Variants in CR1 observed in about 807,000 individuals in gnomAD.
CR1 encodes complement receptor type 1.
In CR1, 116 loss-of-function variants were observed where a neutral mutation model predicts 187.3. The ratio of observed to expected loss-of-function variants is 0.62; its 90% confidence interval spans 0.53 to 0.72. The LOEUF is 0.72. CR1 is among the 30% of genes least tolerant of loss of function. The pLI, the probability that CR1 is intolerant of heterozygous loss-of-function variation, is 0.00. For missense variants in CR1, 1,731 were observed against 2,110.7 expected, an observed-to-expected ratio of 0.82 and a Z score of 3.52; for synonymous variants, 576 against 747.1, an observed-to-expected ratio of 0.77 and a Z score of 3.73.
chr1:207,509,461 T>C (rs1181200233), intron 3 of CR1, among the ~76,000 whole-genome samples: 1 of 152,228 alleles, frequency 6.6e-6, no homozygotes, highest in African/African-American at 2.4e-5. Context: ...CCAAACATTC[T>C]GAATGAGAAG....
chr1:207,630,226 A>G (rs563896907), intron 45 of CR1, among the ~76,000 whole-genome samples: 4 of 152,324 alleles, frequency 2.6e-5, no homozygotes, highest in African/African-American at 9.6e-5. Flanking sequence ...ACTAATCAAA[A>G]TTATGTCAGA....
At chr1:207,588,883 C>T in intron 35 of CR1, 109 bp downstream of exon 35, 1 of 704,672 alleles carries the variant, frequency 1.4e-6, no homozygotes, top group Non-Finnish European at 2.4e-6. Context: ...ACTTTAAAAG[C>T]AAGCAATAGG....
At chr1:207,520,004 C>T (rs1428926101) in intron 4 of CR1, among the ~76,000 whole-genome samples, 3 of 152,146 alleles carry the variant, frequency 2.0e-5, no homozygotes, top group African/African-American at 7.2e-5. Flanking sequence ...AGGCTTTAGG[C>T]TAAACTTGAT....
chr1:207,613,841 TC>T (rs1662014867), intron 39 of CR1, among the ~76,000 whole-genome samples: 1 of 152,060 alleles, frequency 6.6e-6, no homozygotes, highest in Non-Finnish European at 1.5e-5. Context: ...CAAAGACTCT[TC>T]CCCCCTCCCT....
At chr1:207,602,465 T>C (rs917434014) in intron 35 of CR1, among the ~76,000 whole-genome samples, 6 of 152,112 alleles carry the variant, frequency 3.9e-5, no homozygotes, top group African/African-American at 1.4e-4. Context: ...GGTTCCAAAT[T>C]AGGAAACCCA....
rs781234907 is a variant in CR1, at chr1:207,577,905, T to A, written c.4638T>A (p.Asn1546Lys). The A allele has an allele frequency of 6.2e-7, 1 of 1,613,068 alleles. No homozygotes were observed. Among genetic ancestry groups the A allele is most frequent in the Non-Finnish European group, 8.5e-7 (1 of 1,179,800 alleles). Reference protein sequence around the residue: ...HYGSVVTYRCNLGSRGRKVFE... With the variant: ...HYGSVVTYRCKLGSRGRKVFE... Reference sequence around the variant, plus strand: ...GATCAGTGGTGACCTACCGCTGCAATCTTGGAAGCAGAGGGAGAAAGGTGT... The same window carrying A: ...GATCAGTGGTGACCTACCGCTGCAAACTTGGAAGCAGAGGGAGAAAGGTGT... The change falls in exon 29 of 47, where the codon AAT becomes AAA. Residue 1546 changes from asparagine to lysine, a missense_variant. Coordinates refer to ENST00000367049, the MANE Select transcript of CR1 (RefSeq NM_000651.6).
At chr1:207,637,217 G>C (rs1662841534) in intron 46 of CR1, among the ~76,000 whole-genome samples, 1 of 152,136 alleles carries the variant, frequency 6.6e-6, no homozygotes, top group Non-Finnish European at 1.5e-5. Flanking sequence ...TTTAGCTTAT[G>C]TTTGTCTAAA....
chr1:207,627,613 A>G (rs1662521490), intron 45 of CR1, among the ~76,000 whole-genome samples: 2 of 152,154 alleles, frequency 1.3e-5, no homozygotes, highest in Admixed American at 1.3e-4. Context: ...GACTGGGTGG[A>G]TTCAATAAGC....
intron 45 of CR1, among the ~76,000 whole-genome samples, chr1:207,626,427 G>A (rs551765280): frequency 1.3e-5 from 2 of 152,154 alleles, no homozygotes; most frequent in Non-Finnish European, 2.9e-5. Flanking sequence ...ATGTGAGGAG[G>A]GCTGATTATT....
intron 4 of CR1, among the ~76,000 whole-genome samples, chr1:207,516,789 T>C (rs1329484767): frequency 6.6e-6 from 1 of 152,150 alleles, no homozygotes; most frequent in Non-Finnish European, 1.5e-5. Context: ...TGCACCTGTT[T>C]CATCTCAGCT....
In CR1 at chr1:207,564,197, C is replaced by A. The variant is rs1472141634; in HGVS notation, c.3829C>A (p.Gln1277Lys). ...NGRVLFPVNL[Q>K]LGAKVDFVCD... ...CCGTGTGCTATTTCCAGTAAATCTCCAGCTTGGAGCAAAAGTGGATTTTGT... is the reference window on the plus strand; with the variant it reads ...CCGTGTGCTATTTCCAGTAAATCTCAAGCTTGGAGCAAAAGTGGATTTTGT... The change falls in exon 23 of 47, where the codon CAG becomes AAG. Residue 1277 changes from glutamine to lysine, a missense_variant. Gln to Lys is a moderately conservative substitution (Grantham distance 53). Around this residue, in one of 5 missense-constraint regions of CR1, gnomAD observed 34 missense variants for 79.5 expected, o/e 0.43. Coordinates refer to ENST00000367049, the MANE Select transcript of CR1 (RefSeq NM_000651.6). The A allele has an allele frequency of 6.3e-7, 1 of 1,587,626 alleles. No homozygotes were observed. The highest frequency in any genetic ancestry group is 1.1e-5 in the South Asian group (1 of 89,976).
chr1:207,598,527 A>G (rs1558257751), intron 35 of CR1, among the ~76,000 whole-genome samples: 1 of 151,660 alleles, frequency 6.6e-6, no homozygotes, highest in African/African-American at 2.4e-5. Context: ...TCAAGCCATT[A>G]TCCTGCCTCA....
chr1:207,580,188 A>C (rs1413589154), intron 29 of CR1, 52 bp from the exon 30 acceptor site: 9 of 1,597,050 alleles, frequency 5.6e-6, no homozygotes, highest in Admixed American at 1.7e-5. Flanking sequence ...TTCAGGAAGC[A>C]TAGGAAATTC....
chr1:207,636,791 C>T (rs1233953880), intron 46 of CR1, among the ~76,000 whole-genome samples: 1 of 152,182 alleles, frequency 6.6e-6, no homozygotes, highest in African/African-American at 2.4e-5. Flanking sequence ...GATGGCAAGG[C>T]CTCCCACGGT....
rs547866843 is a variant in CR1, at chr1:207,634,876, T to G, written c.7457+4255T>G. 2.0e-5 allele frequency among the ~76,000 whole-genome samples: 3 copies of G among 152,256 alleles called. No individual in the cohort carries two copies. In the South Asian group the frequency reaches 6.2e-4, roughly 32 times the overall value. On this transcript the variant is annotated intron_variant, in intron 46 of 46. Transcript: ENST00000367049. ...AGAACAACAGAATCAAAAAAACATT[T>G]TTTCTGTTATGGGTGACCTGTACGT...
At chr1:207,517,654 T>G (rs1274954888) in intron 4 of CR1, among the ~76,000 whole-genome samples, 1 of 152,170 alleles carries the variant, frequency 6.6e-6, no homozygotes, top group African/African-American at 2.4e-5. Flanking sequence ...GTTGTTGTTG[T>G]TGTCAGGATT....
Position 207,506,777 on chromosome 1 carries a change from A to T in CR1, c.365A>T (p.Gln122Leu), listed in dbSNP as rs964384441. 3 of 1,613,562 alleles carry T rather than the reference A, an allele frequency of 1.9e-6. No individual in the cohort carries two copies. Among genetic ancestry groups the T allele is most frequent in the African/African-American group, 1.3e-5 (1 of 74,894 alleles). ...NGMVHVIKGI[Q>L]FGSQIKYSCT... ...ATGGTGCATGTGATCAAAGGCATCC[A>T]GTTCGGATCCCAAATTAAATATTCT... Residue 122 changes from glutamine (Q) to leucine (L), a missense_variant, in exon 3 of 47, where the codon CAG (glutamine) becomes CTG (leucine). Around this residue, in one of 5 missense-constraint regions of CR1, gnomAD observed 237 missense variants for 240.4 expected, o/e 0.99. Transcript: ENST00000367049.
intron 28 of CR1, among the ~76,000 whole-genome samples, chr1:207,577,009 A>G (rs6681449): frequency 0.22 from 32,808 of 152,030 alleles, 3,775 homozygotes; most frequent in South Asian, 0.44. Flanking sequence ...CCAGCACATT[A>G]GGAGGCTGAG....
At chr1:207,633,854 G>A (rs547742887) in intron 46 of CR1, among the ~76,000 whole-genome samples, 5 of 152,082 alleles carry the variant, frequency 3.3e-5, no homozygotes, top group South Asian at 2.1e-4. Flanking sequence ...AAGAGTCAGC[G>A]AAGGGAGATA....
Sources: allele counts gnomAD v4.1 joint callset (sites outside exome capture counted in the v4.1 genomes callset), GRCh38; gene constraint gnomAD v4.1.1; regional missense constraint gnomAD v4.1.1; transcripts MANE v1.5; gene names NCBI Gene and HGNC (gene_info 2026-07-23, HGNC 2026-07-21).